The following ARHGAP25 variants were observed in gnomAD, a reference collection of about 807,000 sequenced individuals.
ARHGAP25 encodes rho GTPase-activating protein 25.
A neutral mutation model predicts 71.0 loss-of-function variants in ARHGAP25; 34 were observed. That is an observed-to-expected ratio of 0.48 (90% CI 0.36 to 0.64). ARHGAP25 has a LOEUF of 0.64. Ranked by LOEUF, ARHGAP25 falls within the 30% of genes least tolerant of loss-of-function variation. The pLI is 0.00. For synonymous variants in ARHGAP25, 282 were observed against 296.5 expected (o/e 0.95, Z 0.50); for missense variants, 706 against 805.1 (o/e 0.88, Z 1.49).
chr2:68,817,234 T>C (rs890459308), intron 7 of ARHGAP25, among the ~76,000 whole-genome samples: 8 of 152,202 alleles, frequency 5.3e-5, no homozygotes, highest in Admixed American at 2.0e-4. Flanking sequence ...TAATAATTGC[T>C]CTGTATTTGA....
At chr2:68,812,695 G>C (rs1040210076) in intron 5 of ARHGAP25, among the ~76,000 whole-genome samples, 7 of 152,188 alleles carry the variant, frequency 4.6e-5, no homozygotes, top group African/African-American at 1.7e-4. Flanking sequence ...TCTGTGGCTC[G>C]ATGGGGCCAG....
chr2:68,745,215 G>A (rs1364130671), intron 1 of ARHGAP25, among the ~76,000 whole-genome samples: 4 of 152,140 alleles, frequency 2.6e-5, no homozygotes, highest in African/African-American at 9.7e-5. Flanking sequence ...TTGCAGAGCT[G>A]TTAGGTAATA....
In ARHGAP25 at chr2:68,814,294, G is replaced by A. The variant is rs867329768; in HGVS notation, c.807+875G>A. Among the ~76,000 whole-genome samples the A allele has an allele frequency of 2.2e-4, 33 of 152,284 alleles. No individual in the cohort carries two copies. The Middle Eastern group carries it at 0.014, about 63-fold the overall frequency. ...TACTTAGACCAATAGAACTTTCTAT[G>A]GTAATGGAACTTTTATATATCTGCA... On this transcript the variant is annotated intron_variant, in intron 6 of 10. Transcript: ENST00000409202.
At position 68,755,766 on chromosome 2, in the gene ARHGAP25, T is replaced by C. The variant is rs1182543745; in HGVS notation, c.62-19455T>C. Among the ~76,000 whole-genome samples, 3 of 152,196 alleles carry C rather than the reference T, an allele frequency of 2.0e-5. No individual in the cohort carries two copies. The East Asian group carries it at 5.8e-4, about 29-fold the overall frequency. Reference sequence around the variant, plus strand: ...TGCTAAGAAAGAGGAGTGGGGGTAATGGTTGAGTTAAAAAGTTGAAAGAGG... The same window carrying C: ...TGCTAAGAAAGAGGAGTGGGGGTAACGGTTGAGTTAAAAAGTTGAAAGAGG... On this transcript the variant is annotated intron_variant, in intron 1 of 10. Coordinates refer to ENST00000409202, the MANE Select transcript of ARHGAP25 (RefSeq NM_001007231.3).
intron 2 of ARHGAP25, among the ~76,000 whole-genome samples, chr2:68,726,647 A>C (rs1443545312): frequency 6.6e-6 from 1 of 152,230 alleles, no homozygotes; most frequent in African/African-American, 2.4e-5. Context: ...CTTAGAAAAA[A>C]TAAAGATCAA....
chr2:68,778,555 C>T (rs1168220396), intron 2 of ARHGAP25, among the ~76,000 whole-genome samples: 1 of 151,986 alleles, frequency 6.6e-6, no homozygotes, highest in Non-Finnish European at 1.5e-5. Flanking sequence ...CCCAAGATAC[C>T]AAAAAGCAGA....
At chr2:68,714,271 T>C (rs1674558452) in intron 2 of ARHGAP25, among the ~76,000 whole-genome samples, 1 of 152,230 alleles carries the variant, frequency 6.6e-6, no homozygotes, top group African/African-American at 2.4e-5. Flanking sequence ...TTTATTTGCA[T>C]AGAGGTGTTT....
intron 1 of ARHGAP25, among the ~76,000 whole-genome samples, chr2:68,765,216 A>T (rs1180593307): frequency 6.6e-6 from 1 of 152,176 alleles, no homozygotes; most frequent in Non-Finnish European, 1.5e-5. Context: ...AGGGATATGG[A>T]GGCGGATCTG....
chr2:68,771,995 C>T (rs1033403676), intron 1 of ARHGAP25, among the ~76,000 whole-genome samples: 1 of 152,214 alleles, frequency 6.6e-6, no homozygotes, highest in Admixed American at 6.5e-5. Flanking sequence ...CGCACTTACT[C>T]CTGCCTTTGC....
intron 1 of ARHGAP25, 96 bp from the exon 2 acceptor site, chr2:68,775,125 C>G: frequency 6.2e-7 from 1 of 1,604,390 alleles, no homozygotes; most frequent in Non-Finnish European, 8.5e-7. Context: ...CCCCCCGCTT[C>G]TCAGCCCCCT....
chr2:68,822,275 A>G, intron 9 of ARHGAP25, 65 bp from the exon 10 acceptor site: 2 of 1,507,508 alleles, frequency 1.3e-6, no homozygotes, highest in Non-Finnish European at 1.8e-6. Context: ...TCTAATCCAT[A>G]CCTTGGGAGC....
chr2:68,797,380 G>A (rs1679633844), intron 4 of ARHGAP25, among the ~76,000 whole-genome samples: 1 of 152,160 alleles, frequency 6.6e-6, no homozygotes, highest in Non-Finnish European at 1.5e-5. Flanking sequence ...TCCCAGCAAA[G>A]TTCCCTCCTC....
intron 1 of ARHGAP25, among the ~76,000 whole-genome samples, chr2:68,746,295 C>T (rs145181044): frequency 2.0e-5 from 3 of 152,326 alleles, no homozygotes; most frequent in East Asian, 1.9e-4. Flanking sequence ...CGTCTACCCA[C>T]ATCTTTATCT....
chr2:68,723,001 T>A (rs1470134435), intron 2 of ARHGAP25, among the ~76,000 whole-genome samples: 1 of 152,204 alleles, frequency 6.6e-6, no homozygotes, highest in Non-Finnish European at 1.5e-5. Flanking sequence ...CTCTCTGCTC[T>A]CTTTTTTTAT....
At chr2:68,821,352 A>T (rs1025324983) in intron 9 of ARHGAP25, among the ~76,000 whole-genome samples, 1 of 152,012 alleles carries the variant, frequency 6.6e-6, no homozygotes, top group Non-Finnish European at 1.5e-5. Flanking sequence ...CACCCTCCTC[A>T]GCCTCCCAAA....
In ARHGAP25 at chr2:68,826,117, G is replaced by T; in HGVS notation, c.1864G>T (p.Glu622Ter). The T allele has an allele frequency of 6.2e-7, 1 of 1,614,156 alleles. No homozygotes were observed. The highest frequency in any genetic ancestry group is 8.5e-7 in the Non-Finnish European group (1 of 1,180,018). ...CATGGAGCGCTCCCGGGAGGATGTT[G>T]AGAAGAGGAACAAGGCCTTGGAAGA... is the stretch of plus-strand genomic sequence containing the variant. Reference protein sequence around the residue: ...RNMERSREDVEKRNKALEEEV... With the variant: ...RNMERSREDV The change falls in exon 11 of 11, where the codon GAG becomes TAG. Residue 622 changes from glutamate (E) to a stop codon, truncating the protein, a stop_gained. Coordinates refer to ENST00000409202, the MANE Select transcript of ARHGAP25 (RefSeq NM_001007231.3). LOFTEE classifies it high-confidence loss of function.
intron 2 of ARHGAP25, among the ~76,000 whole-genome samples, chr2:68,777,924 T>A (rs1678037649): frequency 6.6e-6 from 1 of 152,112 alleles, no homozygotes; most frequent in Non-Finnish European, 1.5e-5. Flanking sequence ...ACTCATCTAT[T>A]GTAAATGCAA....
intron 5 of ARHGAP25, among the ~76,000 whole-genome samples, chr2:68,811,153 G>C (rs939059): frequency 0.3 from 45,573 of 152,062 alleles, 7,112 homozygotes; most frequent in East Asian, 0.43. Context: ...CCTAGAGTGG[G>C]CAGAGTATAG....
chr2:68,719,651 C>T (rs986020699), intron 2 of ARHGAP25, among the ~76,000 whole-genome samples: 2 of 152,042 alleles, frequency 1.3e-5, no homozygotes, highest in African/African-American at 4.8e-5. Context: ...CTGTCAGATA[C>T]CATTTTAAGG....
Sources: allele counts gnomAD v4.1 joint callset (sites outside exome capture counted in the v4.1 genomes callset), GRCh38; gene constraint gnomAD v4.1.1; transcripts MANE v1.5; gene names NCBI Gene and HGNC (gene_info 2026-07-23, HGNC 2026-07-21).